SCRG1: variants seen among roughly 807,000 people sequenced by gnomAD.
The protein encoded by SCRG1 is stimulator of chondrogenesis 1, also known as scrapie-responsive protein 1.
A neutral mutation model predicts 7.7 loss-of-function variants in SCRG1; 3 were observed. The observed-to-expected ratio is 0.39, with a 90% confidence interval of 0.18 to 1.01. The LOEUF is 1.01. Ranked by LOEUF, SCRG1 falls within the 50% of genes least tolerant of loss-of-function variation. The probability of loss-of-function intolerance (pLI) is 0.36; values close to 1 mark genes in which losing one functional copy is unlikely to be tolerated. For synonymous variants in SCRG1, 46 were observed against 41.2 expected (o/e 1.12, Z -0.44); for missense variants, 110 against 117.2 (o/e 0.94, Z 0.28).
chr4:173,478,843 A>G, the SCRG1 span, among the ~76,000 whole-genome samples: 12 of 152,344 alleles, frequency 7.9e-5, no homozygotes, highest in Admixed American at 7.2e-4. Flanking sequence ...ACGAACGGAC[A>G]CAGACTTTAG....
the SCRG1 span, among the ~76,000 whole-genome samples, chr4:173,474,438 A>G: frequency 5.9e-5 from 9 of 152,244 alleles, no homozygotes; most frequent in African/African-American, 1.9e-4. Context: ...AAAGTTATGA[A>G]AATAAAACTT....
At chr4:173,389,839 TATCTACC>T (rs1427210036) in intron 2 of SCRG1, 1 of 430,536 alleles carries the variant, frequency 2.3e-6, no homozygotes, top group Non-Finnish European at 4.7e-6. Context: ...AAGATGGTTA[TATCTACC>T]TTTTCTATTT....
chr4:173,456,062 C>G, the SCRG1 span, among the ~76,000 whole-genome samples: 1 of 152,152 alleles, frequency 6.6e-6, no homozygotes, highest in Non-Finnish European at 1.5e-5. Flanking sequence ...AAGAATGGAA[C>G]AGGTGGCTTA....
the SCRG1 span, among the ~76,000 whole-genome samples, chr4:173,510,840 T>A: frequency 6.6e-6 from 1 of 152,212 alleles, no homozygotes; most frequent in Non-Finnish European, 1.5e-5. This position sits in a 1 kb window ranked among gnomAD's most constrained non-coding sequence, Gnocchi z 5.7. Flanking sequence ...CAAGCGCTTT[T>A]GATGAGAGCT....
the SCRG1 span, among the ~76,000 whole-genome samples, chr4:173,449,426 A>G: frequency 1.4e-5 from 2 of 144,600 alleles, no homozygotes; most frequent in Admixed American, 7.5e-5. Flanking sequence ...CAGAGCATAC[A>G]TGATAAATCT....
At chr4:173,477,705 C>CCCTTCCTTCCTTCCTT in the SCRG1 span, among the ~76,000 whole-genome samples, 2 of 128,336 alleles carry the variant, frequency 1.6e-5, no homozygotes, top group African/African-American at 3.1e-5. Flanking sequence ...TCTTTTTTTT[C>CCCTTCCTTCCTTCCTT]CCTTCCTTCC....
chr4:173,408,991 CAAAAAAAAAAAA>C (rs991902394), upstream of SCRG1, among the ~76,000 whole-genome samples: 2 of 51,264 alleles, frequency 3.9e-5, no homozygotes, highest in South Asian at 4.9e-4. Flanking sequence ...GACTCAGTCT[CAAAAAAAAAAAA>C]AAAAAAAAAA....
chr4:173,476,363 A>AAAAAAAAAAATATATATATAT, the SCRG1 span, among the ~76,000 whole-genome samples: 200 of 98,442 alleles, frequency 2.0e-3, 2 homozygotes, highest in Non-Finnish European at 3.5e-3. Flanking sequence ...GGAAAAAAAA[A>AAAAAAAAAAATATATATATAT]ATATATATAT....
chr4:173,505,736 A>C, the SCRG1 span, among the ~76,000 whole-genome samples: 1 of 152,222 alleles, frequency 6.6e-6, no homozygotes, highest in East Asian at 1.9e-4. This position sits in a 1 kb window ranked among gnomAD's most constrained non-coding sequence, Gnocchi z 4.4. Flanking sequence ...GTCATCAGAC[A>C]ACCTCTCTAG....
chr4:173,518,895 GA>G, the SCRG1 span, among the ~76,000 whole-genome samples: 1 of 150,768 alleles, frequency 6.6e-6, no homozygotes, highest in Non-Finnish European at 1.5e-5. Flanking sequence ...TTCTGCTCAG[GA>G]GTGTTTGGCC....
the SCRG1 span, among the ~76,000 whole-genome samples, chr4:173,432,175 C>T: frequency 3.3e-5 from 5 of 152,248 alleles, no homozygotes; most frequent in South Asian, 8.3e-4. Flanking sequence ...TCTGGAAAAT[C>T]AGCCAGCAGT....
the SCRG1 span, among the ~76,000 whole-genome samples, chr4:173,418,180 T>C: frequency 5.9e-5 from 9 of 152,392 alleles, no homozygotes; most frequent in East Asian, 1.2e-3. Flanking sequence ...TCCATACTTC[T>C]GTGCAGGCAG....
the SCRG1 span, among the ~76,000 whole-genome samples, chr4:173,484,396 TATATA>T: frequency 1.3e-5 from 1 of 75,986 alleles, no homozygotes; most frequent in East Asian, 4.0e-4. Context: ...TTTTATACAT[TATATA>T]TTATATACAT....
the SCRG1 span, among the ~76,000 whole-genome samples, chr4:173,479,673 T>G: frequency 6.6e-6 from 1 of 152,024 alleles, no homozygotes; most frequent in Non-Finnish European, 1.5e-5. Context: ...ACTCCTGACC[T>G]CAGTGATCCA....
At chr4:173,502,215 G>A in the SCRG1 span, among the ~76,000 whole-genome samples, 3 of 152,038 alleles carry the variant, frequency 2.0e-5, no homozygotes, top group African/African-American at 7.2e-5. This position sits in a 1 kb window ranked among gnomAD's most constrained non-coding sequence, Gnocchi z 4.6. Flanking sequence ...TTTATGGTGG[G>A]GCGGGGAGGG....
the SCRG1 span, among the ~76,000 whole-genome samples, chr4:173,437,896 G>A: frequency 1.3e-5 from 2 of 152,170 alleles, no homozygotes; most frequent in African/African-American, 4.8e-5. Flanking sequence ...AGAGAGAACG[G>A]TTTCAAATAT....
the SCRG1 span, among the ~76,000 whole-genome samples, chr4:173,487,535 T>A: frequency 2.6e-5 from 4 of 152,138 alleles, no homozygotes; most frequent in Admixed American, 2.6e-4. Flanking sequence ...GTTTCCTTAT[T>A]CATTGAGAGT....
chr4:173,416,542 C>T, the SCRG1 span, among the ~76,000 whole-genome samples: 4 of 152,230 alleles, frequency 2.6e-5, no homozygotes, highest in African/African-American at 7.2e-5. Context: ...CGCTTAAGCC[C>T]AGGAGTTGCA....
the SCRG1 span, among the ~76,000 whole-genome samples, chr4:173,506,035 G>A: frequency 7.9e-5 from 12 of 152,188 alleles, no homozygotes; most frequent in South Asian, 4.1e-4. This position sits in a 1 kb window ranked among gnomAD's most constrained non-coding sequence, Gnocchi z 5.3. Context: ...GGGCTGAAGG[G>A]GGAGCTCTGG....
Sources: gnomAD v4.1 joint callset for allele counts (sites outside exome capture counted in the v4.1 genomes callset) on GRCh38, gnomAD v4.1.1 for gene constraint, Gnocchi (gnomAD v3.1) non-coding constraint, MANE v1.5 for transcripts, NCBI Gene and HGNC (gene_info 2026-07-23, HGNC 2026-07-21) for gene names.